Variants in BTBD7 observed in about 807,000 individuals in gnomAD.
The protein encoded by BTBD7 is BTB domain containing 7, also known as BTB/POZ domain-containing protein 7.
Under a neutral mutation model 99.9 loss-of-function variants are expected in BTBD7, and 38 were observed. The ratio of observed to expected loss-of-function variants is 0.38; its 90% CI spans 0.29 to 0.50. The LOEUF (loss-of-function observed/expected upper bound fraction) is 0.50. Ranked by LOEUF, BTBD7 falls within the 20% of genes least tolerant of loss-of-function variation. The pLI is 0.93. For synonymous variants in BTBD7, 520 were observed against 511.4 expected, an observed-to-expected ratio of 1.02 and a Z score of -0.23; for missense variants, 1,170 against 1,394.6, an observed-to-expected ratio of 0.84 and a Z score of 2.57.
At chr14:93,312,007 T>C (rs2053144480) in intron 1 of BTBD7, among the ~76,000 whole-genome samples, 1 of 152,158 alleles carries the variant, frequency 6.6e-6, no homozygotes, top group Non-Finnish European at 1.5e-5. Flanking sequence ...TGTCCCTGTC[T>C]ACTCTATTCT....
Position 93,242,380 on chromosome 14 carries a change from C to T in BTBD7, c.3292G>A (p.Gly1098Ser). The T allele has an allele frequency of 6.2e-7, 1 of 1,614,116 alleles. No individual in the cohort carries two copies. Among genetic ancestry groups the T allele is most frequent in the African/African-American group, 1.3e-5 (1 of 75,026 alleles). The part of the protein sequence containing the change: ...GRRLADSESL[G>S]HGAQRNTDLE... ...TCTGTATTTCTCTGAGCTCCATGGCCCAGGGACTCACTGTCTGCCAGTCTT... is the reference window on the plus strand; with the variant it reads ...TCTGTATTTCTCTGAGCTCCATGGCTCAGGGACTCACTGTCTGCCAGTCTT... Residue 1098 changes from glycine (G) to serine (S), a missense_variant, in exon 11 of 11, where the codon GGC (glycine) becomes AGC (serine). This residue lies in a region of BTBD7 where 495 missense variants were observed against 525.9 expected (regional missense o/e 0.94). Transcript: ENST00000334746.
intron 8 of BTBD7, among the ~76,000 whole-genome samples, chr14:93,250,668 C>T (rs186857582): frequency 6.6e-6 from 1 of 152,130 alleles, no homozygotes; most frequent in Non-Finnish European, 1.5e-5. Context: ...TTTCTGACCA[C>T]CAGATCATTG....
chr14:93,256,008 G>T (rs1472691282), intron 6 of BTBD7: 3 of 151,764 alleles, frequency 2.0e-5, no homozygotes, highest in African/African-American at 4.8e-5. Flanking sequence ...TTTTATTACT[G>T]CTCCTTGTGG....
chr14:93,292,612 A>G (rs2052871796), intron 3 of BTBD7, among the ~76,000 whole-genome samples: 1 of 152,226 alleles, frequency 6.6e-6, no homozygotes, highest in South Asian at 2.1e-4. Context: ...ATGTTTATCA[A>G]CGCCTTCTTC....
rs1241992815 is a variant in BTBD7, at chr14:93,263,954, G to C, written c.1202C>G (p.Thr401Ser). The change falls in exon 4 of 11, where the codon ACC becomes AGC. Residue 401 changes from threonine to serine, a missense_variant. Around this residue, in one of 4 missense-constraint regions of BTBD7, gnomAD observed 359 missense variants for 497.9 expected, o/e 0.72. Transcript: ENST00000334746. ...ACTCCACTTGAGGATGGCAATTAAG[G>C]TATCTAATGAGATGCTCTCAGCAAT... ...DIIAESISLD[T>S]LIAILKWSSH... is the part of the protein sequence containing the mutation. 2.5e-6 allele frequency: 4 copies of C among 1,614,148 alleles called. No homozygotes were observed. The African/African-American group carries it at 4.0e-5, about 16-fold the overall frequency.
chr14:93,243,737 T>C (rs1566832321), intron 10 of BTBD7, among the ~76,000 whole-genome samples: 2 of 152,226 alleles, frequency 1.3e-5, no homozygotes, highest in Admixed American at 1.3e-4. Context: ...TCTGCTACTA[T>C]TGGACATCTA....
intron 3 of BTBD7, chr14:93,288,281 G>C: frequency 1.9e-6 from 1 of 526,892 alleles, no homozygotes; most frequent in South Asian, 3.1e-5. Flanking sequence ...GCCACTATTT[G>C]TTAGATGTTA....
chr14:93,330,577 A>G (rs934058058), intron 1 of BTBD7, among the ~76,000 whole-genome samples: 16 of 152,210 alleles, frequency 1.1e-4, no homozygotes, highest in Non-Finnish European at 2.4e-4. Flanking sequence ...GATCTTTCCA[A>G]TAAGAACTTG....
intron 3 of BTBD7, among the ~76,000 whole-genome samples, chr14:93,284,417 A>T (rs1206813668): frequency 6.6e-6 from 1 of 150,788 alleles, no homozygotes; most frequent in African/African-American, 2.4e-5. Context: ...GCAACTCCTT[A>T]GGGATAAAAT....
chr14:93,245,836 C>G lies in BTBD7; in HGVS notation c.2572G>C (p.Glu858Gln). The G allele has an allele frequency of 1.2e-6, 2 of 1,612,302 alleles. No homozygotes were observed. Among genetic ancestry groups the G allele is most frequent in the East Asian group, 2.2e-5 (1 of 44,860 alleles). Reference sequence around the variant, plus strand: ...AAGTGTTGACTTACCACTTGCTTCTCAGATGCTGCTGCTGCTGCTGCTGTT... The same window carrying G: ...AAGTGTTGACTTACCACTTGCTTCTGAGATGCTGCTGCTGCTGCTGCTGTT... ...TATAAAAAAS[E>Q]KQVRTQPVLN... The change falls in exon 10 of 11, where the codon GAG becomes CAG. Residue 858 changes from glutamate (E) to glutamine (Q), a missense_variant. Coordinates refer to ENST00000334746, the MANE Select transcript of BTBD7 (RefSeq NM_001002860.4).
intron 1 of BTBD7, among the ~76,000 whole-genome samples, chr14:93,314,709 T>C (rs1268550069): frequency 6.6e-6 from 1 of 152,232 alleles, no homozygotes; most frequent in African/African-American, 2.4e-5. Flanking sequence ...AGGATATACA[T>C]GTTTCTAATT....
At chr14:93,243,554 T>C (rs1262699659) in intron 10 of BTBD7, among the ~76,000 whole-genome samples, 1 of 152,212 alleles carries the variant, frequency 6.6e-6, no homozygotes, top group Non-Finnish European at 1.5e-5. Flanking sequence ...CTCCAACCTT[T>C]TGAACAGAGA....
At chr14:93,300,704 TTGTGTG>T (rs57228905) in intron 1 of BTBD7, among the ~76,000 whole-genome samples, 2,951 of 86,790 alleles carry the variant, frequency 0.034, 93 homozygotes, top group Non-Finnish European at 0.044. Flanking sequence ...CCCAGCTAAT[TTGTGTG>T]TGTGTGTGTG....
rs1215554868 is a variant in BTBD7 at position 93,332,801 on chromosome 14, G to A, written c.-107+19C>T. 7 of 1,473,544 alleles carry A rather than the reference G, an allele frequency of 4.8e-6. No individual in the cohort carries two copies. The highest frequency in any genetic ancestry group is 3.8e-5 in the South Asian group (3 of 78,360). The allele number at this position is 1,473,544 out of a possible 1,614,324, so 91.3% of individuals were successfully genotyped here. On this transcript the variant is annotated intron_variant, in intron 1 of 10. Coordinates refer to ENST00000334746, the MANE Select transcript of BTBD7 (RefSeq NM_001002860.4). ...ACAGCCTCGGCTCCACAGCCTCAGA[G>A]ACACCAAGGGACACTCACCCCGGAG... is the stretch of plus-strand genomic sequence containing the variant.
At chr14:93,275,351 G>A (rs1318882730) in intron 3 of BTBD7, among the ~76,000 whole-genome samples, 2 of 146,606 alleles carry the variant, frequency 1.4e-5, no homozygotes, top group African/African-American at 2.4e-5. Flanking sequence ...CCACTTCTCT[G>A]AACAGTGGGA....
At chr14:93,296,187 A>G in intron 1 of BTBD7, 30 bp from the exon 2 acceptor site, 1 of 1,282,868 alleles carries the variant, frequency 7.8e-7, no homozygotes, top group Non-Finnish European at 9.9e-7. Context: ...AATTTAATTC[A>G]TTTTTTCAAG....
In BTBD7 at chr14:93,312,113, G is replaced by A. The variant is rs781292122; in HGVS notation, c.-106-15956C>T. On this transcript the variant is annotated intron_variant, in intron 1 of 10. Coordinates refer to ENST00000334746, the MANE Select transcript of BTBD7 (RefSeq NM_001002860.4). ...CTATTATCCGTTGGTTCCCTACTAT[G>A]AGCAATGCTGAAATTAAGTTAGTAA... Among the ~76,000 whole-genome samples the A allele has an allele frequency of 9.9e-4, 150 of 152,082 alleles. 1 individual carries two copies. Among genetic ancestry groups the A allele is most frequent in the Admixed American group, 2.4e-3 (36 of 15,272 alleles).
chr14:93,263,833 T>A lies in BTBD7; in HGVS notation c.1323A>T (p.Glu441Asp), dbSNP rs751435076. Residue 441 changes from glutamate (E) to aspartate (D), a missense_variant, in exon 4 of 11, where the codon GAA becomes GAT. Physicochemically the swap from Glu to Asp is conservative, Grantham distance 45 (BLOSUM62 2). Around this residue, in one of 4 missense-constraint regions of BTBD7, gnomAD observed 309 missense variants for 342.0 expected, o/e 0.90. Transcript: ENST00000334746. The stretch of plus-strand genomic sequence containing the variant: ...CAGTAAGCAGATGGTCTTTGCTGAG[T>A]TCATAAAAAACATCCGAAGTCATGA... Reference protein sequence around the residue: ...SQVMTSDVFYELSKDHLLTAI... With the variant: ...SQVMTSDVFYDLSKDHLLTAI... The A allele has an allele frequency of 1.1e-5, 17 of 1,613,888 alleles. No homozygotes were observed. In the South Asian group the frequency reaches 1.9e-4, roughly 18 times the overall value.
At chr14:93,329,298 G>A (rs2053370767) in intron 1 of BTBD7, among the ~76,000 whole-genome samples, 1 of 151,958 alleles carries the variant, frequency 6.6e-6, no homozygotes, top group Non-Finnish European at 1.5e-5. Flanking sequence ...TTTAAAAAAT[G>A]CAAACCAAAA....
Sources: allele counts gnomAD v4.1 joint callset (sites outside exome capture counted in the v4.1 genomes callset), GRCh38; gene constraint gnomAD v4.1.1; regional missense constraint gnomAD v4.1.1; transcripts MANE v1.5; gene names NCBI Gene and HGNC (gene_info 2026-07-23, HGNC 2026-07-21).